The following MED17 variants were observed in gnomAD, a reference collection of about 807,000 sequenced individuals.
The protein encoded by MED17 is mediator of RNA polymerase II transcription subunit 17.
Under a neutral mutation model 80.8 loss-of-function variants are expected in MED17, and 49 were observed. That is an observed-to-expected ratio of 0.61 (90% CI 0.48 to 0.77). MED17 has a LOEUF of 0.77. Ranked by LOEUF, MED17 falls within the 30% of genes least tolerant of loss-of-function variation. The pLI, the probability that MED17 is intolerant of heterozygous loss-of-function variation, is 0.00. For synonymous variants in MED17, 281 were observed against 280.4 expected, an observed-to-expected ratio of 1.00 and a Z score of -0.02; for missense variants, 718 against 787.0, an observed-to-expected ratio of 0.91 and a Z score of 1.05.
chr11:93,803,656 C>G (rs1441126405), intron 9 of MED17, among the ~76,000 whole-genome samples: 1 of 152,022 alleles, frequency 6.6e-6, no homozygotes, highest in Admixed American at 6.6e-5. Flanking sequence ...AAGCCTTTTG[C>G]CCTCCTACTG....
intron 6 of MED17, chr11:93,796,165 A>G (rs1228196647): frequency 9.1e-6 from 4 of 439,324 alleles, no homozygotes; most frequent in Non-Finnish European, 1.3e-5. Context: ...GTTGGCCAGG[A>G]TGGTCTCAAT....
chr11:93,786,180 C>T (rs765224339), intron 1 of MED17, among the ~76,000 whole-genome samples: 6 of 152,012 alleles, frequency 3.9e-5, no homozygotes, highest in African/African-American at 1.5e-4. Flanking sequence ...TCAAAAAGTC[C>T]CTTCAGACTG....
chr11:93,784,284 T>C lies in MED17; in HGVS notation c.-230T>C. The C allele has an allele frequency of 1.7e-6, 1 of 586,940 alleles. No individual in the cohort carries two copies. Among genetic ancestry groups the C allele is most frequent in the Non-Finnish European group, 2.9e-6 (1 of 342,370 alleles). 36.4% of individuals were successfully genotyped at this position (586,940 alleles called of 1,614,324 possible). A position where few individuals can be genotyped will look rare whatever the true frequency, so the allele number is the denominator to read the frequency against. On this transcript the variant is annotated 5_prime_UTR_variant, in exon 1 of 12. Transcript: ENST00000251871. ...CCCTGGAGCTTCCGCGCCTGCCCAG[T>C]TTTGCTCCGAAAGACTTACCGAGGA...
At position 93,784,302 on chromosome 11, in the gene MED17, A is replaced by G; in HGVS notation, c.-212A>G. 1.6e-6 allele frequency: 1 copy of G among 644,110 alleles called. No individual in the cohort carries two copies. Among genetic ancestry groups the G allele is most frequent in the Non-Finnish European group, 2.6e-6 (1 of 389,020 alleles). 39.9% of individuals were successfully genotyped at this position (644,110 alleles called of 1,614,324 possible). On this transcript the variant is annotated 5_prime_UTR_variant, in exon 1 of 12. Transcript: ENST00000251871. Reference sequence around the variant, plus strand: ...TGCCCAGTTTTGCTCCGAAAGACTTACCGAGGAGGGAGCTTGCGGTGCGTT... The same window carrying G: ...TGCCCAGTTTTGCTCCGAAAGACTTGCCGAGGAGGGAGCTTGCGGTGCGTT...
intron 7 of MED17, 106 bp downstream of exon 7, chr11:93,796,646 C>G: frequency 8.0e-7 from 1 of 1,255,840 alleles, no homozygotes; most frequent in Non-Finnish European, 1.2e-6. Flanking sequence ...CACATAGCAA[C>G]AACATTCACT....
intron 5 of MED17, 35 bp downstream of exon 5, chr11:93,794,070 T>C: frequency 6.6e-7 from 1 of 1,517,160 alleles, no homozygotes; most frequent in Admixed American, 1.7e-5. Flanking sequence ...TTTCTGGTCT[T>C]ATTTGAGCTG....
At chr11:93,786,940 G>A (rs1462749246) in intron 1 of MED17, among the ~76,000 whole-genome samples, 1 of 152,092 alleles carries the variant, frequency 6.6e-6, no homozygotes, top group African/African-American at 2.4e-5. Flanking sequence ...AAATACAAGT[G>A]GTTAAACATA....
In MED17 at chr11:93,784,623, C is replaced by T; in HGVS notation, c.110C>T (p.Ser37Leu). 1.9e-6 allele frequency: 3 copies of T among 1,593,860 alleles called. No homozygotes were observed. The highest frequency in any genetic ancestry group is 2.6e-6 in the Non-Finnish European group (3 of 1,171,476). The change falls in exon 1 of 12, where the codon TCG becomes TTG. Residue 37 changes from serine (S) to leucine (L), a missense_variant. Physicochemically the swap from Ser to Leu is moderately radical, Grantham distance 145. Coordinates refer to ENST00000251871, the MANE Select transcript of MED17 (RefSeq NM_004268.5). The stretch of plus-strand genomic sequence containing the variant: ...ACGTACCTGCCCCCGCTGTCCATGT[C>T]GCAGAATCTGGCGCGTCTGGCCCAG... The part of the protein sequence containing the change: ...TETYLPPLSM[S>L]QNLARLAQRI...
chr11:93,809,614 T>C, intron 10 of MED17, 103 bp from the exon 11 acceptor site: 1 of 1,159,452 alleles, frequency 8.6e-7, no homozygotes, highest in East Asian at 2.3e-5. Flanking sequence ...GTTGCTGTAG[T>C]AGTCAGTGAG....
chr11:93,801,692 C>A, intron 8 of MED17, 143 bp from the exon 9 acceptor site: 1 of 743,306 alleles, frequency 1.3e-6, no homozygotes, highest in South Asian at 1.7e-5. Flanking sequence ...GCTACCTCTG[C>A]CTTTATTTAA....
chr11:93,786,456 T>C (rs1233320624), intron 1 of MED17, among the ~76,000 whole-genome samples: 1 of 151,282 alleles, frequency 6.6e-6, no homozygotes, highest in Non-Finnish European at 1.5e-5. Flanking sequence ...TAATTTTAAC[T>C]TTTTTTGGTT....
chr11:93,802,811 G>A (rs150962468), intron 9 of MED17, among the ~76,000 whole-genome samples: 1 of 152,284 alleles, frequency 6.6e-6, no homozygotes, highest in African/African-American at 2.4e-5. Flanking sequence ...AGGTAAGATG[G>A]TTTTTGTCCC....
intron 9 of MED17, among the ~76,000 whole-genome samples, chr11:93,804,848 A>G (rs964658765): frequency 1.3e-5 from 2 of 152,376 alleles, no homozygotes; most frequent in Middle Eastern, 3.4e-3. Context: ...TTTTAAACTC[A>G]GTAGTGTTTT....
At chr11:93,798,234 T>C (rs1287225445) in intron 8 of MED17, among the ~76,000 whole-genome samples, 1 of 152,182 alleles carries the variant, frequency 6.6e-6, no homozygotes, top group East Asian at 1.9e-4. Flanking sequence ...GAACGAGGAT[T>C]TATGCCCAGG....
chr11:93,809,310 T>C, intron 10 of MED17: 1 of 323,994 alleles, frequency 3.1e-6, no homozygotes, highest in South Asian at 2.6e-5. Flanking sequence ...TCCCATTACC[T>C]GAACCCAGCC....
intron 1 of MED17, 59 bp downstream of exon 1, chr11:93,784,822 C>G: frequency 6.5e-7 from 1 of 1,528,178 alleles, no homozygotes; most frequent in Non-Finnish European, 8.7e-7. Flanking sequence ...CCGCGCGGGC[C>G]TCCGCCTCTC....
rs7948796 is a variant in MED17, at chr11:93,785,418, G to A, written c.250+655G>A. Among the ~76,000 whole-genome samples, 1,059 of 152,162 alleles carry A rather than the reference G, an allele frequency of 7.0e-3. 10 individuals carry two copies. The highest frequency in any genetic ancestry group is 0.024 in the African/African-American group (1,012 of 41,494). On this transcript the variant is annotated intron_variant, in intron 1 of 11. Coordinates refer to ENST00000251871, the MANE Select transcript of MED17 (RefSeq NM_004268.5). ...GTGAAGAAATAATGAGTGGGTTTCA[G>A]ATTCTCATTATTGTCAAGGATTTTT... is the stretch of plus-strand genomic sequence containing the variant.
intron 9 of MED17, 140 bp downstream of exon 9, chr11:93,802,112 T>G: frequency 1.3e-6 from 1 of 777,192 alleles, no homozygotes; most frequent in South Asian, 1.8e-5. Flanking sequence ...GTAGAGTGTT[T>G]TTTTTTTTAA....
chr11:93,801,908 A>G lies in MED17; in HGVS notation c.1402A>G (p.Asn468Asp), dbSNP rs764182773. The G allele has an allele frequency of 1.9e-6, 3 of 1,613,264 alleles. No homozygotes were observed. The highest frequency in any genetic ancestry group is 1.3e-5 in the African/African-American group (1 of 74,924). ...PQIQAHWSNINDVYESSVKVL... is the reference protein window; with the variant it reads ...PQIQAHWSNIDDVYESSVKVL... ...GATACAGGCTCATTGGTCAAATATC[A>G]ATGATGTTTATGAATCTAGTGTGAA... is the stretch of plus-strand genomic sequence containing the variant. Residue 468 changes from asparagine (N) to aspartate (D), a missense_variant, in exon 9 of 12, where the codon AAT becomes GAT. Physicochemically the swap from Asn to Asp is conservative, Grantham distance 23 (BLOSUM62 1). Coordinates refer to ENST00000251871, the MANE Select transcript of MED17 (RefSeq NM_004268.5).
Sources: gnomAD v4.1 joint callset for allele counts (sites outside exome capture counted in the v4.1 genomes callset) on GRCh38, gnomAD v4.1.1 for gene constraint, MANE v1.5 for transcripts, NCBI Gene and HGNC (gene_info 2026-07-23, HGNC 2026-07-21) for gene names.